The following CNTN4 variants were observed in gnomAD, a reference collection of about 807,000 sequenced individuals.
CNTN4 encodes contactin-4.
CNTN4 carries 77 observed loss-of-function variants against 122.5 expected under a neutral mutation model. That is an observed-to-expected ratio of 0.63 (90% CI 0.52 to 0.76). CNTN4 has a LOEUF of 0.76. Ranked by LOEUF, CNTN4 falls within the 30% of genes least tolerant of loss-of-function variation. CNTN4 has a pLI of 0.00. For synonymous variants in CNTN4, 512 were observed against 447.0 expected (o/e 1.15, Z -1.83); for missense variants, 1,256 against 1,259.1 (o/e 1.00, Z 0.04).
chr3:2,531,464 G>A (rs13093102), intron 3 of CNTN4, among the ~76,000 whole-genome samples: 18,655 of 152,188 alleles, frequency 0.12, 1,380 homozygotes, highest in Non-Finnish European at 0.18. Context: ...AACCAGGGAG[G>A]CAGTGAGTCT....
At chr3:2,342,267 C>G (rs1056399067) in intron 3 of CNTN4, among the ~76,000 whole-genome samples, 1 of 152,046 alleles carries the variant, frequency 6.6e-6, no homozygotes, top group Non-Finnish European at 1.5e-5. Context: ...TTTATTAATG[C>G]TAGACAATTT....
intron 2 of CNTN4, among the ~76,000 whole-genome samples, chr3:2,229,673 A>T (rs1032885625): frequency 2.0e-5 from 3 of 152,198 alleles, no homozygotes; most frequent in Non-Finnish European, 4.4e-5. Flanking sequence ...AAGAGTAAGT[A>T]TTATTATTTT....
chr3:2,600,425 C>A (rs1311290087), intron 4 of CNTN4, among the ~76,000 whole-genome samples: 1 of 152,042 alleles, frequency 6.6e-6, no homozygotes, highest in Non-Finnish European at 1.5e-5. Context: ...TGTTCAATTC[C>A]CACCTATGAG....
chr3:2,165,814 C>T (rs142697351), intron 2 of CNTN4, among the ~76,000 whole-genome samples: 57 of 152,254 alleles, frequency 3.7e-4, no homozygotes, highest in Non-Finnish European at 4.9e-4. Flanking sequence ...GCTTACTTCA[C>T]TTTGCATAAT....
At chr3:2,756,873 G>A (rs1327317507) in intron 6 of CNTN4, among the ~76,000 whole-genome samples, 1 of 152,158 alleles carries the variant, frequency 6.6e-6, no homozygotes, top group Non-Finnish European at 1.5e-5. Flanking sequence ...CGGGTATCTA[G>A]CTTCCAGAAC....
At chr3:3,046,271 C>G (rs1700641642) in intron 23 of CNTN4, among the ~76,000 whole-genome samples, 1 of 152,140 alleles carries the variant, frequency 6.6e-6, no homozygotes, top group Non-Finnish European at 1.5e-5. Context: ...TCAGGAAATA[C>G]AGAGAATGCC....
At chr3:2,669,755 C>A (rs946460460) in intron 4 of CNTN4, among the ~76,000 whole-genome samples, 2 of 152,334 alleles carry the variant, frequency 1.3e-5, no homozygotes, top group South Asian at 2.1e-4. Flanking sequence ...CCTCTACACA[C>A]TCCTTTAAAT....
chr3:2,411,768 G>A (rs773359224), intron 3 of CNTN4, among the ~76,000 whole-genome samples: 2 of 151,856 alleles, frequency 1.3e-5, no homozygotes, highest in East Asian at 1.9e-4. Context: ...TCAAATTTTT[G>A]TGCCTTTTTG....
chr3:2,615,396 T>A (rs559951245), intron 4 of CNTN4, among the ~76,000 whole-genome samples: 1 of 152,322 alleles, frequency 6.6e-6, no homozygotes, highest in East Asian at 1.9e-4. Flanking sequence ...TCTGTTTGTG[T>A]TGAAATTCCC....
At chr3:2,169,821 C>T (rs547469852) in intron 2 of CNTN4, among the ~76,000 whole-genome samples, 1 of 152,072 alleles carries the variant, frequency 6.6e-6, no homozygotes, top group South Asian at 2.1e-4. Flanking sequence ...TGCTCTTAGT[C>T]AACAATGCTC....
chr3:2,655,594 A>G (rs1353879418), intron 4 of CNTN4, among the ~76,000 whole-genome samples: 1 of 152,168 alleles, frequency 6.6e-6, no homozygotes, highest in Non-Finnish European at 1.5e-5. Context: ...GCCATGCAAA[A>G]TAATAGCTGT....
chr3:2,321,180 T>C (rs11711683), intron 2 of CNTN4, among the ~76,000 whole-genome samples: 18,772 of 152,100 alleles, frequency 0.12, 1,412 homozygotes, highest in Non-Finnish European at 0.17. Flanking sequence ...TTATCCCCCT[T>C]ATAAACATGT....
chr3:2,630,759 T>C (rs957799433), intron 4 of CNTN4, among the ~76,000 whole-genome samples: 5 of 151,666 alleles, frequency 3.3e-5, no homozygotes, highest in African/African-American at 1.2e-4. Flanking sequence ...ATCTTAGGAA[T>C]ACTAGGATTT....
intron 1 of CNTN4, chr3:2,099,332 G>A (rs540425509): frequency 6.6e-6 from 1 of 152,516 alleles, no homozygotes; most frequent in African/African-American, 2.4e-5. Context: ...CGAGAGCCCG[G>A]AATGCTGCGG....
intron 7 of CNTN4, among the ~76,000 whole-genome samples, chr3:2,858,846 A>C (rs769188078): frequency 5.3e-5 from 8 of 152,262 alleles, no homozygotes; most frequent in Non-Finnish European, 1.0e-4. Flanking sequence ...ATTCGTATAC[A>C]TTATGGATTG....
intron 6 of CNTN4, among the ~76,000 whole-genome samples, chr3:2,776,595 C>T (rs995621668): frequency 5.3e-5 from 8 of 152,242 alleles, no homozygotes; most frequent in African/African-American, 1.9e-4. Flanking sequence ...GACATGCCCT[C>T]TACTCTTGGT....
intron 2 of CNTN4, among the ~76,000 whole-genome samples, chr3:2,263,962 A>G (rs927557458): frequency 6.6e-6 from 1 of 152,182 alleles, no homozygotes. Flanking sequence ...TTTATGGCCA[A>G]ATAATATTCC....
At chr3:2,224,838 C>T (rs970000302) in intron 2 of CNTN4, among the ~76,000 whole-genome samples, 19 of 152,240 alleles carry the variant, frequency 1.2e-4, no homozygotes, top group Non-Finnish European at 1.8e-4. Flanking sequence ...ACTCAAGAGC[C>T]ATAAAATGAT....
chr3:2,438,543 A>G (rs1399549817), intron 3 of CNTN4, among the ~76,000 whole-genome samples: 1 of 152,112 alleles, frequency 6.6e-6, no homozygotes, highest in African/African-American at 2.4e-5. Flanking sequence ...CCCAAAAAAA[A>G]CCTGTTTTGT....
Sources: allele counts gnomAD v4.1 joint callset (sites outside exome capture counted in the v4.1 genomes callset), GRCh38; gene constraint gnomAD v4.1.1; transcripts MANE v1.5; gene names NCBI Gene and HGNC (gene_info 2026-07-23, HGNC 2026-07-21).